Variants in ZNF681 observed in about 807,000 individuals in gnomAD.
ZNF681 encodes hypothetical protein FLJ31526.
A neutral mutation model predicts 56.0 loss-of-function variants in ZNF681; 37 were observed. The ratio of observed to expected loss-of-function variants is 0.66; its 90% CI spans 0.51 to 0.87. The LOEUF (loss-of-function observed/expected upper bound fraction) is 0.87. ZNF681 is among the 40% of genes least tolerant of loss of function. ZNF681 has a pLI of 0.00. For missense variants in ZNF681, 741 were observed against 744.9 expected, an observed-to-expected ratio of 0.99 and a Z score of 0.06; for synonymous variants, 225 against 248.6, an observed-to-expected ratio of 0.91 and a Z score of 0.89.
At chr19:23,755,641 A>T in intron 1 of ZNF681, 90 bp from the exon 2 acceptor site, 1 of 1,330,930 alleles carries the variant, frequency 7.5e-7, no homozygotes, top group Non-Finnish European at 9.8e-7. Context: ...TTATAATTTG[A>T]TTCAAGGTAA....
chr19:23,743,642 A>G lies in ZNF681; in HGVS notation c.1908T>C (p.His636=), dbSNP rs763529947. 5 of 1,520,458 alleles carry G rather than the reference A, an allele frequency of 3.3e-6. No individual in the cohort carries two copies. Among genetic ancestry groups the G allele is most frequent in the Non-Finnish European group, 3.5e-6 (4 of 1,136,764 alleles). 94.2% of individuals were successfully genotyped at this position (1,520,458 alleles called of 1,614,324 possible). Residue 636 remains histidine, a synonymous_variant, in exon 4 of 4, where the codon CAT becomes CAC. Transcript: ENST00000402377. ...ATTTCTCACCAGCATAATTTCTTTT[A>G]TGTTTAGAAAACTTTGAAGTGTTTT... is the stretch of plus-strand genomic sequence containing the variant. ...DFENTSKFSK[H]KRNYAGEKS is the part of the protein sequence containing the mutation.
At chr19:23,746,540 C>T (rs1354505898) in intron 3 of ZNF681, among the ~76,000 whole-genome samples, 2 of 152,046 alleles carry the variant, frequency 1.3e-5, no homozygotes, top group African/African-American at 4.8e-5. Context: ...TGAGCCAGCT[C>T]TCATTTAAAT....
chr19:23,756,330 A>AC lies in ZNF681; in HGVS notation c.4-780_4-779insG, dbSNP rs988684565. On this transcript the variant is annotated intron_variant, in intron 1 of 3. Transcript: ENST00000402377. ...ACAGAGCGACACTCTGTCCCCCCCC[A>AC]AAAAAAGACACATATGTTATTGAAT... Among the ~76,000 whole-genome samples, 8 of 149,008 alleles carry AC rather than the reference A, an allele frequency of 5.4e-5. No homozygotes were observed. The South Asian group carries it at 6.6e-4, about 12-fold the overall frequency.
Position 23,744,030 on chromosome 19 carries a change from T to G in ZNF681, c.1520A>C (p.Lys507Thr), listed in dbSNP as rs1164802827. 3 of 1,613,130 alleles carry G rather than the reference T, an allele frequency of 1.9e-6. No individual in the cohort carries two copies. The highest frequency in any genetic ancestry group is 2.2e-5 in the East Asian group (1 of 44,812). The change falls in exon 4 of 4, where the codon AAA becomes ACA. Residue 507 changes from lysine (K) to threonine (T), a missense_variant. By Grantham distance (78) the Lys-to-Thr change is moderately conservative. Transcript: ENST00000402377. ...KRIHTGEKSY[K>T]CEECGKAFYR... ...GAAAGCTTTGCCACATTCTTCACAT[T>G]TGTAGGATTTCTCTCCAGTATGAAT...
intron 1 of ZNF681, among the ~76,000 whole-genome samples, chr19:23,756,828 T>C (rs115238205): frequency 0.012 from 1,790 of 151,998 alleles, 39 homozygotes; most frequent in African/African-American, 0.04. Context: ...AAATATATTA[T>C]AAAAGACTAT....
At chr19:23,745,425 T>TAC (rs1321942470) in intron 3 of ZNF681, 102 bp from the exon 4 acceptor site, 1 of 940,290 alleles carries the variant, frequency 1.1e-6, no homozygotes, top group African/African-American at 1.7e-5. Context: ...AGCAAGATGG[T>TAC]ATAGCAAAAT....
Position 23,744,843 on chromosome 19 carries a change from T to A in ZNF681, c.707A>T (p.Asn236Ile), listed in dbSNP as rs1386763145. 6.2e-7 allele frequency: 1 copy of A among 1,613,438 alleles called. No homozygotes were observed. The highest frequency in any genetic ancestry group is 8.5e-7 in the Non-Finnish European group (1 of 1,179,770). ...YICEECGKAC[N>I]QFTNLTTHKI... ...ATGTGTAGTAAGGTTTGTGAACTGG[T>A]TACAGGCTTTGCCACATTCTTCACA... Residue 236 changes from asparagine (N) to isoleucine (I), a missense_variant, in exon 4 of 4, where the codon AAC (asparagine) becomes ATC (isoleucine). Asn to Ile is a moderately radical substitution (Grantham distance 149). Transcript: ENST00000402377.
intron 3 of ZNF681, 96 bp from the exon 4 acceptor site, chr19:23,745,419 AG>A (rs1226060503): frequency 9.8e-7 from 1 of 1,023,666 alleles, no homozygotes; most frequent in African/African-American, 1.7e-5. Flanking sequence ...TACATAAGCA[AG>A]ATGGTATAGC....
At chr19:23,749,171 T>C (rs994990407) in intron 3 of ZNF681, among the ~76,000 whole-genome samples, 3 of 152,032 alleles carry the variant, frequency 2.0e-5, no homozygotes, top group Non-Finnish European at 4.4e-5. Context: ...TTAAAAAAAA[T>C]CTTGTCACAC....
chr19:23,755,361 A>G, intron 2 of ZNF681, 64 bp downstream of exon 2: 1 of 1,537,536 alleles, frequency 6.5e-7, no homozygotes, highest in South Asian at 1.3e-5. Flanking sequence ...TAAAAACATT[A>G]TACAAAAAAG....
chr19:23,747,279 A>T (rs1000160105), intron 3 of ZNF681, among the ~76,000 whole-genome samples: 8 of 152,168 alleles, frequency 5.3e-5, no homozygotes, highest in Non-Finnish European at 1.0e-4. Flanking sequence ...AGGGTCAAAA[A>T]ATTTAATTTT....
intron 3 of ZNF681, among the ~76,000 whole-genome samples, chr19:23,751,227 A>G (rs113228423): frequency 0.012 from 1,826 of 151,886 alleles, 42 homozygotes; most frequent in African/African-American, 0.042. Context: ...ATGTAATCCC[A>G]GCACTTTGGG....
Position 23,739,568 on chromosome 19 carries a change from G to T in ZNF681, c.*4044C>A, listed in dbSNP as rs1392371823. 1 of 152,124 alleles carries T rather than the reference G, an allele frequency of 6.6e-6. No individual in the cohort carries two copies. The highest frequency in any genetic ancestry group is 2.4e-5 in the African/African-American group (1 of 41,430). The allele number at this position is 152,124 out of a possible 1,614,324, so 9.4% of individuals were successfully genotyped here. On this transcript the variant is annotated 3_prime_UTR_variant, in exon 4 of 4. Transcript: ENST00000402377. ...TGACAATGTGTATATACTTCAAAAT[G>T]TCATGCTTCACAGAATAAATGCACA...
intron 3 of ZNF681, among the ~76,000 whole-genome samples, chr19:23,750,048 G>C (rs1291036668): frequency 1.1e-4 from 16 of 151,048 alleles, no homozygotes; most frequent in Admixed American, 3.3e-4. Flanking sequence ...ACTTTGGGAG[G>C]CCGAGGTGAG....
At chr19:23,753,481 A>C (rs1306901770) in intron 3 of ZNF681, among the ~76,000 whole-genome samples, 1 of 152,310 alleles carries the variant, frequency 6.6e-6, no homozygotes, top group Non-Finnish European at 1.5e-5. Context: ...CTTTACAATG[A>C]AAGATATATC....
chr19:23,756,782 C>T (rs1235314734), intron 1 of ZNF681, among the ~76,000 whole-genome samples: 2 of 151,812 alleles, frequency 1.3e-5, no homozygotes, highest in South Asian at 2.1e-4. Context: ...ACACGTTCTG[C>T]ACTTGTATCC....
rs777658738 is a variant in ZNF681 at position 23,744,763 on chromosome 19, A to G, written c.787T>C (p.Phe263Leu). The G allele has an allele frequency of 1.9e-6, 3 of 1,613,210 alleles. No individual in the cohort carries two copies. Among genetic ancestry groups the G allele is most frequent in the East Asian group, 4.5e-5 (2 of 44,854 alleles). The change falls in exon 4 of 4, where the codon TTT (phenylalanine) becomes CTT (leucine). Residue 263 changes from phenylalanine (F) to leucine (L), a missense_variant. Physicochemically the swap from Phe to Leu is conservative, Grantham distance 22 (BLOSUM62 0). Transcript: ENST00000402377. ...LYKREECSKA[F>L]NLSSHITTHT... ...GTTGTAATGTGTGACGACAGGTTAA[A>G]GGCTTTGCTACATTCTTCACGTTTG...
intron 3 of ZNF681, among the ~76,000 whole-genome samples, chr19:23,750,541 T>TA (rs985534152): frequency 2.6e-5 from 4 of 151,072 alleles, no homozygotes; most frequent in Admixed American, 6.6e-5. Flanking sequence ...AAACCTACAC[T>TA]AAAAAAAACA....
intron 3 of ZNF681, 97 bp from the exon 4 acceptor site, chr19:23,745,420 G>C: frequency 1.0e-6 from 1 of 960,490 alleles, no homozygotes; most frequent in Non-Finnish European, 1.4e-6. Context: ...ACATAAGCAA[G>C]ATGGTATAGC....
Sources: allele counts gnomAD v4.1 joint callset (sites outside exome capture counted in the v4.1 genomes callset), GRCh38; gene constraint gnomAD v4.1.1; transcripts MANE v1.5; gene names NCBI Gene and HGNC (gene_info 2026-07-23, HGNC 2026-07-21).